TIAM1: variants seen among roughly 807,000 people sequenced by gnomAD.
The protein encoded by TIAM1 is rho guanine nucleotide exchange factor TIAM1.
TIAM1 carries 65 observed loss-of-function variants against 163.5 expected under a neutral mutation model. The ratio of observed to expected loss-of-function variants is 0.40; its 90% CI spans 0.33 to 0.49. The LOEUF (loss-of-function observed/expected upper bound fraction) is 0.49. Among genes scored for constraint, TIAM1 ranks in the 20% least tolerant of loss-of-function variants. The pLI is 0.77. For synonymous variants in TIAM1, 833 were observed against 810.1 expected (o/e 1.03, Z -0.48); for missense variants, 1,789 against 2,044.7 (o/e 0.87, Z 2.41).
intron 2 of TIAM1, among the ~76,000 whole-genome samples, chr21:31,318,777 T>A (rs112999081): frequency 0.013 from 1,960 of 152,344 alleles, 17 homozygotes; most frequent in Non-Finnish European, 0.02. Context: ...ACTAGAAAGA[T>A]AAAATCTGAT....
intron 2 of TIAM1, among the ~76,000 whole-genome samples, chr21:31,411,605 A>G (rs1180513616): frequency 6.6e-6 from 1 of 151,400 alleles, no homozygotes; most frequent in Non-Finnish European, 1.5e-5. Flanking sequence ...CCTCCTCAAT[A>G]GCTGGGATTA....
chr21:31,276,248 C>T (rs1335208225), intron 3 of TIAM1, among the ~76,000 whole-genome samples: 8 of 152,186 alleles, frequency 5.3e-5, no homozygotes, highest in African/African-American at 1.9e-4. Flanking sequence ...CCAAGTCACA[C>T]ACAAATACCC....
chr21:31,166,298 T>C (rs575375838), intron 15 of TIAM1, among the ~76,000 whole-genome samples: 64 of 152,212 alleles, frequency 4.2e-4, no homozygotes, highest in African/African-American at 1.5e-3. Context: ...TAGAGCACTA[T>C]CAATATAACC....
intron 2 of TIAM1, among the ~76,000 whole-genome samples, chr21:31,380,728 A>G (rs778001425): frequency 6.6e-6 from 1 of 152,240 alleles, no homozygotes; most frequent in Non-Finnish European, 1.5e-5. Context: ...AATAGACTCA[A>G]TACCCTACTT....
rs779707793 is a variant in TIAM1 at position 31,465,610 on chromosome 21, A to G, written c.-421-1575T>C. Among the ~76,000 whole-genome samples, 695 of 147,516 alleles carry G rather than the reference A, an allele frequency of 4.7e-3. 1 individual carries two copies. The highest frequency in any genetic ancestry group is 0.027 in the Middle Eastern group (7 of 262). ...TTTTGAGACGGAGTCTCGCCCTGTT[A>G]CCCAGGCTGGAGTGCAGTGGTGCGA... is the stretch of plus-strand genomic sequence containing the variant. On this transcript the variant is annotated intron_variant, in intron 1 of 28. Coordinates refer to the TIAM1 transcript ENST00000286827.
At chr21:31,154,153 A>G in intron 17 of TIAM1, 94 bp downstream of exon 17, 1 of 1,353,870 alleles carries the variant, frequency 7.4e-7, no homozygotes, top group Non-Finnish European at 1.0e-6. Context: ...TCATGAACAC[A>G]GTTTAAATCA....
chr21:31,553,245 T>C (rs913517641), intron 1 of TIAM1, among the ~76,000 whole-genome samples: 1 of 152,170 alleles, frequency 6.6e-6, no homozygotes, highest in African/African-American at 2.4e-5. Context: ...GCTTGGGGCC[T>C]TAGCAGTGTG....
At chr21:31,433,641 T>G (rs1316008731) in intron 2 of TIAM1, among the ~76,000 whole-genome samples, 1 of 152,224 alleles carries the variant, frequency 6.6e-6, no homozygotes, top group Non-Finnish European at 1.5e-5. Context: ...CTGAGAGATT[T>G]TAATTATCCT....
intron 1 of TIAM1, among the ~76,000 whole-genome samples, chr21:31,488,469 G>A (rs553089050): frequency 7.2e-5 from 11 of 152,154 alleles, no homozygotes; most frequent in Non-Finnish European, 1.6e-4. Context: ...GAAACGGGAG[G>A]TGTATTAATC....
chr21:31,188,264 G>A (rs986552290), intron 13 of TIAM1, among the ~76,000 whole-genome samples: 1 of 152,128 alleles, frequency 6.6e-6, no homozygotes, highest in South Asian at 2.1e-4. Flanking sequence ...AGGGCCACCC[G>A]TGAGGACTTT....
chr21:31,438,158 A>C (rs1046342566), intron 2 of TIAM1, among the ~76,000 whole-genome samples: 16 of 127,264 alleles, frequency 1.3e-4, no homozygotes, highest in African/African-American at 4.2e-4. Context: ...ACACATACAT[A>C]TGTAATTGCG....
At position 31,456,332 on chromosome 21, in the gene TIAM1, G is replaced by A. The variant is rs559261501; in HGVS notation, c.-369+7651C>T. Among the ~76,000 whole-genome samples, 11 of 152,344 alleles carry A rather than the reference G, an allele frequency of 7.2e-5. No individual in the cohort carries two copies. The South Asian group carries it at 2.3e-3, about 32-fold the overall frequency. On this transcript the variant is annotated intron_variant, in intron 2 of 28. Coordinates refer to the TIAM1 transcript ENST00000286827. ...CTCTGCAGGGACACTGTGGCACAGA[G>A]AGGGTCATACCTGGCGGAACCCAGG...
At chr21:31,356,669 G>T (rs1003984501) in intron 2 of TIAM1, among the ~76,000 whole-genome samples, 2 of 152,244 alleles carry the variant, frequency 1.3e-5, no homozygotes, top group African/African-American at 4.8e-5. Context: ...CTGTTGCCTA[G>T]ATCTTAGACT....
At position 31,252,052 on chromosome 21, in the gene TIAM1, G is replaced by A. The variant is rs377345987; in HGVS notation, c.1101C>T (p.Gly367=). 16 of 1,614,032 alleles carry A rather than the reference G, an allele frequency of 9.9e-6. No homozygotes were observed. The highest frequency in any genetic ancestry group is 9.3e-5 in the African/African-American group (7 of 75,060). ...YSPTTGRAFV[G]SDSGSSSTGD... ...CGGTGGAGCTGCTGCCGCTGTCGCTGCCCACAAAGGCCCGGCCTGTGGTGG... is the reference window on the plus strand; with the variant it reads ...CGGTGGAGCTGCTGCCGCTGTCGCTACCCACAAAGGCCCGGCCTGTGGTGG... Residue 367 remains glycine, a synonymous_variant, in exon 5 of 28, where the codon GGC becomes GGT. Transcript: ENST00000541036.
chr21:31,450,565 AG>A (rs1332807455), intron 2 of TIAM1, among the ~76,000 whole-genome samples: 1 of 152,136 alleles, frequency 6.6e-6, no homozygotes, highest in Non-Finnish European at 1.5e-5. Context: ...CAGAGGCACC[AG>A]GGGGACAGGG....
chr21:31,350,495 G>T (rs954732623), intron 2 of TIAM1, among the ~76,000 whole-genome samples: 1 of 152,120 alleles, frequency 6.6e-6, no homozygotes, highest in Non-Finnish European at 1.5e-5. Context: ...GAGGTGATTA[G>T]ATCATGGGGG....
intron 2 of TIAM1, among the ~76,000 whole-genome samples, chr21:31,405,586 G>A (rs1284832650): frequency 6.6e-6 from 1 of 152,158 alleles, no homozygotes; most frequent in Non-Finnish European, 1.5e-5. Flanking sequence ...CACAATCATG[G>A]TGGAAGACAA....
chr21:31,311,259 C>T (rs2074919633), intron 2 of TIAM1, among the ~76,000 whole-genome samples: 1 of 151,876 alleles, frequency 6.6e-6, no homozygotes, highest in South Asian at 2.1e-4. Context: ...AGCAGGAGGG[C>T]CTGGATTGGG....
intron 1 of TIAM1, among the ~76,000 whole-genome samples, chr21:31,492,833 A>G (rs1337649347): frequency 2.0e-5 from 3 of 151,472 alleles, no homozygotes; most frequent in African/African-American, 4.8e-5. Context: ...ACGTTAAGTG[A>G]AAAAAATCCA....
Sources: gnomAD v4.1 joint callset for allele counts (sites outside exome capture counted in the v4.1 genomes callset) on GRCh38, gnomAD v4.1.1 for gene constraint, MANE v1.5 for transcripts, NCBI Gene and HGNC (gene_info 2026-07-23, HGNC 2026-07-21) for gene names.